The following ZFP28 variants were observed in gnomAD, a reference collection of about 807,000 sequenced individuals.
The protein encoded by ZFP28 is zinc finger protein 28 homolog.
Under a neutral mutation model 39.5 loss-of-function variants are expected in ZFP28, and 31 were observed. That is an observed-to-expected ratio of 0.79 (90% confidence interval 0.59 to 1.06). The LOEUF is 1.06. Among genes scored for constraint, ZFP28 ranks in the 50% least tolerant of loss-of-function variants. The pLI is 0.00. For missense variants in ZFP28, 925 were observed against 1,048.4 expected, an observed-to-expected ratio of 0.88 and a Z score of 1.63; for synonymous variants, 400 against 378.6, an observed-to-expected ratio of 1.06 and a Z score of -0.66.
At chr19:56,549,155 G>C (rs879695175) in intron 5 of ZFP28, 34 bp downstream of exon 5, 3 of 1,581,340 alleles carry the variant, frequency 1.9e-6, no homozygotes, top group Non-Finnish European at 2.6e-6. Context: ...GCAAGAGGAA[G>C]GATCCTTCAT....
intron 4 of ZFP28, chr19:56,548,624 TTAAG>T (rs889842003): frequency 5.8e-6 from 1 of 171,414 alleles, no homozygotes; most frequent in African/African-American, 2.4e-5. Flanking sequence ...TATTTTACAT[TTAAG>T]TCTTTGTGAG....
intron 4 of ZFP28, 27 bp from the exon 5 acceptor site, chr19:56,548,931 T>A: frequency 6.3e-7 from 1 of 1,587,754 alleles, no homozygotes; most frequent in Middle Eastern, 1.8e-4. Flanking sequence ...TGATAAAAGA[T>A]AAATTTACCT....
At chr19:56,548,055 G>A (rs1201973974) in intron 4 of ZFP28, among the ~76,000 whole-genome samples, 153 bp downstream of exon 4, 2 of 152,136 alleles carry the variant, frequency 1.3e-5, no homozygotes, top group Non-Finnish European at 2.9e-5. Flanking sequence ...TTCAACTACA[G>A]TATTATTTCC....
chr19:56,539,485 A>T, intron 1 of ZFP28, 140 bp from the exon 2 acceptor site: 1 of 784,956 alleles, frequency 1.3e-6, no homozygotes, highest in Non-Finnish European at 2.0e-6. Context: ...GGGAGGAAAA[A>T]AACCTATCTC....
At position 56,554,049 on chromosome 19, in the gene ZFP28, T is replaced by A; in HGVS notation, c.1264T>A (p.Cys422Ser). The change falls in exon 8 of 8, where the codon TGT (cysteine) becomes AGT (serine). Residue 422 changes from cysteine to serine, a missense_variant. Cys to Ser is a moderately radical substitution (Grantham distance 112, BLOSUM62 -1). This residue lies in a region of ZFP28 where 556 missense variants were observed against 542.9 expected (regional missense o/e 1.02). Coordinates refer to ENST00000301318, the MANE Select transcript of ZFP28 (RefSeq NM_020828.2). This position sits in a 1 kb window ranked among gnomAD's most constrained non-coding sequence, Gnocchi z 6.7. ...GIYAGKKLFK[C>S]NECKKTFTQS... ...CTATGCAGGAAAAAAGCTTTTCAAG[T>A]GTAATGAATGTAAGAAAACTTTTAC... 6.2e-7 allele frequency: 1 copy of A among 1,614,084 alleles called. No individual in the cohort carries two copies. Among genetic ancestry groups the A allele is most frequent in the Non-Finnish European group, 8.5e-7 (1 of 1,180,018 alleles).
intron 6 of ZFP28, 115 bp downstream of exon 6, chr19:56,550,296 T>C: frequency 1.8e-6 from 2 of 1,111,604 alleles, no homozygotes; most frequent in South Asian, 3.1e-5. Flanking sequence ...GGCCTGAATT[T>C]TGTGGATTCC....
rs1287680100 is a variant in ZFP28 at position 56,539,661 on chromosome 19, G to C, written c.245G>C (p.Arg82Thr). The change falls in exon 2 of 8, where the codon AGA becomes ACA. Residue 82 changes from arginine to threonine, a missense_variant. This residue lies in a region of ZFP28 where 556 missense variants were observed against 542.9 expected (regional missense o/e 1.02). Coordinates refer to ENST00000301318, the MANE Select transcript of ZFP28 (RefSeq NM_020828.2). ...PSRDTALPQE[R>T]NKKLEAVGTG... ...AGGGACACTGCTCTTCCCCAGGAGA[G>C]AAACAAGAAGCTGGAGGCTGTGGGG... 2 of 1,614,158 alleles carry C rather than the reference G, an allele frequency of 1.2e-6. No homozygotes were observed. Among genetic ancestry groups the C allele is most frequent in the Non-Finnish European group, 1.7e-6 (2 of 1,180,020 alleles).
At position 56,539,011 on chromosome 19, in the gene ZFP28, C is replaced by T. The variant is rs1223807747; in HGVS notation, c.-8C>T. 1.4e-6 allele frequency: 2 copies of T among 1,380,056 alleles called. No individual in the cohort carries two copies. Among genetic ancestry groups the T allele is most frequent in the Non-Finnish European group, 9.3e-7 (1 of 1,070,414 alleles). The allele number at this position is 1,380,056 out of a possible 1,614,324, so 85.5% of individuals were successfully genotyped here. A position where few individuals can be genotyped will look rare whatever the true frequency, so the allele number is the denominator to read the frequency against. On this transcript the variant is annotated 5_prime_UTR_variant, in exon 1 of 8. Coordinates refer to ENST00000301318, the MANE Select transcript of ZFP28 (RefSeq NM_020828.2). ...CGGTCGGAAGGGCGTCGCGCGGCCT[C>T]GGGTGACATGCGGGGGGCGGCGAGC...
Position 56,555,588 on chromosome 19 carries a change from TAGTA to T in ZFP28, c.*200_*203del. 1.5e-6 allele frequency: 1 copy of T among 686,882 alleles called. No individual in the cohort carries two copies. Among genetic ancestry groups the T allele is most frequent in the Non-Finnish European group, 2.3e-6 (1 of 441,318 alleles). The allele number at this position is 686,882 out of a possible 1,614,324, so 42.5% of individuals were successfully genotyped here. On this transcript the variant is annotated 3_prime_UTR_variant, in exon 8 of 8. Transcript: ENST00000301318. ...TGTGCTCAGCACAGTGCCTGGTCCA[TAGTA>T]AGTGCTCAGTAAACTTAGCTGTTTT...
In ZFP28 at chr19:56,547,387, C is replaced by T; in HGVS notation, c.301-121C>T. 1 of 1,412,334 alleles carries T rather than the reference C, an allele frequency of 7.1e-7. No homozygotes were observed. The highest frequency in any genetic ancestry group is 9.8e-7 in the Non-Finnish European group (1 of 1,023,600). 87.5% of individuals were successfully genotyped at this position (1,412,334 alleles called of 1,614,324 possible). A position where few individuals can be genotyped will look rare whatever the true frequency, so the allele number is the denominator to read the frequency against. ...CTAAATACAGTCACATTCAAAAGTACTGGGGATTAGGAGTTTAATGTAGGA... is the reference window on the plus strand; with the variant it reads ...CTAAATACAGTCACATTCAAAAGTATTGGGGATTAGGAGTTTAATGTAGGA... On this transcript the variant is annotated intron_variant, in intron 2 of 7. Transcript: ENST00000301318. The surrounding 1 kb of genome is among the most constrained non-coding windows in gnomAD (Gnocchi z 4.6).
upstream of ZFP28, chr19:56,537,904 G>A (rs1217458175): frequency 6.6e-6 from 1 of 152,238 alleles, no homozygotes; most frequent in Non-Finnish European, 1.5e-5. Flanking sequence ...GCCCCTGGGG[G>A]AGAGACCGGT....
chr19:56,553,696 T>C lies in ZFP28; in HGVS notation c.911T>C (p.Val304Ala). The C allele has an allele frequency of 6.2e-7, 1 of 1,608,964 alleles. No homozygotes were observed. The highest frequency in any genetic ancestry group is 2.2e-5 in the East Asian group (1 of 44,836). Residue 304 changes from valine (V) to alanine (A), a missense_variant, in exon 8 of 8, where the codon GTA becomes GCA. Transcript: ENST00000301318. ...TGGTATCTTTCAGGCCAGCGATCTG[T>C]ACATGAGACCCAGGAATTATTTCCA... The part of the protein sequence containing the change: ...TGSLFSGQRS[V>A]HETQELFPKQ...
rs777713179 is a variant in ZFP28, at chr19:56,550,083, A to G, written c.704A>G (p.Lys235Arg). 3.7e-6 allele frequency: 6 copies of G among 1,611,890 alleles called. No homozygotes were observed. Among genetic ancestry groups the G allele is most frequent in the South Asian group, 3.3e-5 (3 of 90,252 alleles). The stretch of plus-strand genomic sequence containing the variant: ...CCATTGCAGGGCTTGGTGACTATCA[A>G]AAACCTGGCTGTTGACTTCCGCCAG... ...FETQPGLVTIKNLAVDFRQQL... is the reference protein window; with the variant it reads ...FETQPGLVTIRNLAVDFRQQL... Residue 235 changes from lysine to arginine, a missense_variant, in exon 6 of 8, where the codon AAA (lysine) becomes AGA (arginine). By Grantham distance (26) the Lys-to-Arg change is conservative. Transcript: ENST00000301318.
rs765519244 is a variant in ZFP28, at chr19:56,539,035, G to T, written c.17G>T (p.Ser6Ile). The T allele has an allele frequency of 6.9e-7, 1 of 1,458,884 alleles. No individual in the cohort carries two copies. The highest frequency in any genetic ancestry group is 1.5e-5 in the African/African-American group (1 of 67,906). 90.4% of individuals were successfully genotyped at this position (1,458,884 alleles called of 1,614,324 possible). A position where few individuals can be genotyped will look rare whatever the true frequency, so the allele number is the denominator to read the frequency against. ...TCGGGTGACATGCGGGGGGCGGCGAGCGCGAGTGTCCGCGAGCCGACGCCG... is the reference window on the plus strand; with the variant it reads ...TCGGGTGACATGCGGGGGGCGGCGATCGCGAGTGTCCGCGAGCCGACGCCG... Reference protein sequence around the residue: MRGAASASVREPTPLP... With the variant: MRGAAIASVREPTPLP... Residue 6 changes from serine to isoleucine, a missense_variant, in exon 1 of 8, where the codon AGC becomes ATC. This residue lies in a region of ZFP28 where 556 missense variants were observed against 542.9 expected (regional missense o/e 1.02). Coordinates refer to ENST00000301318, the MANE Select transcript of ZFP28 (RefSeq NM_020828.2).
At chr19:56,542,864 C>T (rs924657549) in intron 2 of ZFP28, among the ~76,000 whole-genome samples, 4 of 152,162 alleles carry the variant, frequency 2.6e-5, no homozygotes, top group African/African-American at 9.7e-5. Flanking sequence ...CTCCGGGCCT[C>T]AAGCAATCCT....
chr19:56,544,165 T>C (rs2044219987), intron 2 of ZFP28, among the ~76,000 whole-genome samples: 1 of 152,268 alleles, frequency 6.6e-6, no homozygotes, highest in Non-Finnish European at 1.5e-5. Context: ...ATGACGGTTT[T>C]AGAAATTTAC....
chr19:56,553,891 C>G lies in ZFP28; in HGVS notation c.1106C>G (p.Ser369Cys). Reference sequence around the variant, plus strand: ...CCAATTACTCATAACAAAACCCTCTCTAAGGAAAGAGAACGTACATATAAC... The same window carrying G: ...CCAATTACTCATAACAAAACCCTCTGTAAGGAAAGAGAACGTACATATAAC... ...QEPITHNKTL[S>C]KERERTYNKS... Residue 369 changes from serine to cysteine, a missense_variant, in exon 8 of 8, where the codon TCT (serine) becomes TGT (cysteine). Transcript: ENST00000301318. The G allele has an allele frequency of 5.0e-6, 8 of 1,614,120 alleles. No individual in the cohort carries two copies. The highest frequency in any genetic ancestry group is 6.8e-6 in the Non-Finnish European group (8 of 1,180,018).
intron 7 of ZFP28, among the ~76,000 whole-genome samples, chr19:56,553,462 C>T (rs2044322683): frequency 6.6e-6 from 1 of 152,158 alleles, no homozygotes; most frequent in South Asian, 2.1e-4. Context: ...AGTGATCCGC[C>T]TCAAGTGATC....
chr19:56,551,211 A>AATTGCAAG (rs1169822425), intron 7 of ZFP28: 1 of 986,394 alleles, frequency 1.0e-6, no homozygotes, highest in Non-Finnish European at 1.2e-6. Context: ...GTAGAAGTTG[A>AATTGCAAG]ATTGCAAGAA....
Sources: gnomAD v4.1 joint callset for allele counts (sites outside exome capture counted in the v4.1 genomes callset) on GRCh38, gnomAD v4.1.1 for gene constraint, gnomAD v4.1.1 regional missense constraint, Gnocchi (gnomAD v3.1) non-coding constraint, MANE v1.5 for transcripts, NCBI Gene and HGNC (gene_info 2026-07-23, HGNC 2026-07-21) for gene names.